USP47: variants seen among roughly 807,000 people sequenced by gnomAD.
USP47 encodes the protein ubiquitin specific peptidase 47.
A neutral mutation model predicts 165.1 loss-of-function variants in USP47; 35 were observed. The observed-to-expected ratio is 0.21, with a 90% CI of 0.16 to 0.28. USP47 has a LOEUF of 0.28. USP47 is among the 10% of genes least tolerant of loss of function. USP47 has a pLI of 1.00. For missense variants in USP47, 1,277 were observed against 1,607.4 expected, an observed-to-expected ratio of 0.79 and a Z score of 3.52; for synonymous variants, 531 against 544.5, an observed-to-expected ratio of 0.98 and a Z score of 0.35.
intron 3 of USP47, among the ~76,000 whole-genome samples, chr11:11,890,822 A>C (rs760438113): frequency 2.0e-5 from 3 of 152,224 alleles, no homozygotes; most frequent in African/African-American, 7.2e-5. Context: ...ACAGAATACT[A>C]TGCATCCATA....
At chr11:11,915,363 G>A (rs760487722) in intron 8 of USP47, among the ~76,000 whole-genome samples, 6 of 152,182 alleles carry the variant, frequency 3.9e-5, no homozygotes, top group Non-Finnish European at 8.8e-5. Flanking sequence ...GAAGCAGGTG[G>A]TTGTGGCTAT....
intron 18 of USP47, among the ~76,000 whole-genome samples, chr11:11,938,783 G>A (rs1038276863): frequency 1.3e-5 from 2 of 151,944 alleles, no homozygotes; most frequent in Non-Finnish European, 2.9e-5. Context: ...ATGCCTTGAG[G>A]GGAGTCAGGA....
At chr11:11,933,723 T>C (rs1351116865) in intron 15 of USP47, 108 bp from the exon 16 acceptor site, 25 of 713,652 alleles carry the variant, frequency 3.5e-5, no homozygotes, top group South Asian at 1.1e-4. Flanking sequence ...ATCTCAATTA[T>C]GTTCTTTTAA....
intron 5 of USP47, among the ~76,000 whole-genome samples, chr11:11,898,201 G>A (rs989221602): frequency 3.3e-5 from 5 of 151,876 alleles, no homozygotes; most frequent in African/African-American, 7.3e-5. Flanking sequence ...AATGCTCTAT[G>A]GAGGAAGTCT....
rs973723236 is a variant in USP47 at position 11,940,459 on chromosome 11, A to G, written c.2224A>G (p.Ile742Val). 11 of 1,611,134 alleles carry G rather than the reference A, an allele frequency of 6.8e-6. No homozygotes were observed. The highest frequency in any genetic ancestry group is 9.3e-6 in the Non-Finnish European group (11 of 1,178,242). The change falls in exon 19 of 28, where the codon ATA (isoleucine) becomes GTA (valine). Residue 742 changes from isoleucine to valine, a missense_variant. Coordinates refer to ENST00000527733, the MANE Select transcript of USP47 (RefSeq NM_001282659.2). ...CCATTTACCTGCTGAAACAATGAGAATAGTGCTGGAACGCTGCTACAATGA... is the reference window on the plus strand; with the variant it reads ...CCATTTACCTGCTGAAACAATGAGAGTAGTGCTGGAACGCTGCTACAATGA... ...AIHLPAETMRIVLERCYNDLR... is the reference protein window; with the variant it reads ...AIHLPAETMRVVLERCYNDLR...
At chr11:11,902,976 T>C in intron 6 of USP47, 116 bp downstream of exon 6, 1 of 1,146,142 alleles carries the variant, frequency 8.7e-7, no homozygotes, top group African/African-American at 1.6e-5. Context: ...CATTGCAAGT[T>C]TGTTGTCATA....
At chr11:11,951,525 A>C (rs531052174) in intron 24 of USP47, 15 of 152,298 alleles carry the variant, frequency 9.8e-5, no homozygotes, top group African/African-American at 3.6e-4. Flanking sequence ...GGCTTTTAGA[A>C]GATCACATCA....
chr11:11,894,975 A>G (rs1228534368), intron 4 of USP47, among the ~76,000 whole-genome samples: 1 of 152,086 alleles, frequency 6.6e-6, no homozygotes, highest in Non-Finnish European at 1.5e-5. Flanking sequence ...AATGTTTTTC[A>G]CTTAATACTA....
At position 11,894,027 on chromosome 11, in the gene USP47, C is replaced by A. The variant is rs772336999; in HGVS notation, c.496+1921C>A. ...AGTAGAACTTTTTGTAGCAAACAAC[C>A]ACAATAAAAAAAATACAAAATTATC... On this transcript the variant is annotated intron_variant, in intron 4 of 27. Coordinates refer to ENST00000527733, the MANE Select transcript of USP47 (RefSeq NM_001282659.2). 2.0e-5 allele frequency among the ~76,000 whole-genome samples: 3 copies of A among 151,926 alleles called. No homozygotes were observed. In the South Asian group the frequency reaches 6.2e-4, roughly 32 times the overall value.
Position 11,933,266 on chromosome 11 carries a change from A to AATTTG in USP47, c.1764+163_1764+167dup, listed in dbSNP as rs1854811141. On this transcript the variant is annotated intron_variant, in intron 15 of 27. Transcript: ENST00000527733. ...GTAACCAACTATACTATAAAGGTAA[A>AATTTG]ATTTGATTTGATTTGATGTGTAAAA... 7 of 728,722 alleles carry AATTTG rather than the reference A, an allele frequency of 9.6e-6. No individual in the cohort carries two copies. The Admixed American group carries it at 1.7e-4, about 18-fold the overall frequency. 45.1% of individuals were successfully genotyped at this position (728,722 alleles called of 1,614,324 possible).
At chr11:11,889,984 G>A (rs1158232116) in intron 3 of USP47, among the ~76,000 whole-genome samples, 1 of 152,096 alleles carries the variant, frequency 6.6e-6, no homozygotes, top group Non-Finnish European at 1.5e-5. Context: ...GGTGCTGGGA[G>A]AACTGGTGAG....
rs758988920 is a variant in USP47 at position 11,938,424 on chromosome 11, A to C, written c.2193+52A>C. The C allele has an allele frequency of 3.8e-6, 5 of 1,325,030 alleles. No homozygotes were observed. The South Asian group carries it at 6.1e-5, about 16-fold the overall frequency. 82.1% of individuals were successfully genotyped at this position (1,325,030 alleles called of 1,614,324 possible). A position where few individuals can be genotyped will look rare whatever the true frequency, so the allele number is the denominator to read the frequency against. On this transcript the variant is annotated intron_variant, in intron 18 of 27. Coordinates refer to ENST00000527733, the MANE Select transcript of USP47 (RefSeq NM_001282659.2). The stretch of plus-strand genomic sequence containing the variant: ...AAATTTTTGAGAGCCTGCTATGTAC[A>C]AGACACACTATGTGACAGTTATGAA...
intron 8 of USP47, among the ~76,000 whole-genome samples, chr11:11,913,275 A>AC (rs1853148587): frequency 1.3e-5 from 2 of 149,368 alleles, no homozygotes; most frequent in South Asian, 2.1e-4. Context: ...AAAAAAAAAA[A>AC]AACAACACCT....
intron 14 of USP47, among the ~76,000 whole-genome samples, chr11:11,931,599 A>G (rs759433957): frequency 7.2e-5 from 11 of 152,154 alleles, no homozygotes; most frequent in African/African-American, 7.2e-5. Context: ...CAATAGTGCA[A>G]TAACTCAGCC....
At chr11:11,878,913 T>C (rs1850654746) in intron 1 of USP47, among the ~76,000 whole-genome samples, 1 of 152,110 alleles carries the variant, frequency 6.6e-6, no homozygotes, top group African/African-American at 2.4e-5. Flanking sequence ...ATGGATAATA[T>C]AGAAGCAACA....
chr11:11,912,695 C>T (rs1853090494), intron 8 of USP47, among the ~76,000 whole-genome samples: 1 of 151,882 alleles, frequency 6.6e-6, no homozygotes, highest in Admixed American at 6.6e-5. Context: ...CTATTCTTAC[C>T]TGATATTAAA....
intron 1 of USP47, among the ~76,000 whole-genome samples, chr11:11,861,118 G>A (rs947404397): frequency 1.3e-4 from 20 of 151,742 alleles, no homozygotes; most frequent in African/African-American, 4.4e-4. Context: ...TTTTTGAGAC[G>A]GAGTCCCGCT....
At chr11:11,910,307 G>C (rs1229871697) in intron 8 of USP47, among the ~76,000 whole-genome samples, 1 of 152,108 alleles carries the variant, frequency 6.6e-6, no homozygotes, top group African/African-American at 2.4e-5. Context: ...TATATCCCAG[G>C]CTTGGAACTG....
chr11:11,930,541 T>A (rs1440757320), intron 13 of USP47, among the ~76,000 whole-genome samples, 155 bp from the exon 14 acceptor site: 1 of 152,186 alleles, frequency 6.6e-6, no homozygotes, highest in African/African-American at 2.4e-5. Context: ...ATTTTCCTCT[T>A]ATCTGGAATG....
Sources: allele counts gnomAD v4.1 joint callset (sites outside exome capture counted in the v4.1 genomes callset), GRCh38; gene constraint gnomAD v4.1.1; transcripts MANE v1.5; gene names NCBI Gene and HGNC (gene_info 2026-07-23, HGNC 2026-07-21).